The following GPHN variants were observed in gnomAD, a reference collection of about 807,000 sequenced individuals.
The protein encoded by GPHN is gephyrin.
Under a neutral mutation model 95.5 loss-of-function variants are expected in GPHN, and 17 were observed. That is an observed-to-expected ratio of 0.18 (90% CI 0.12 to 0.27). The LOEUF is 0.27. GPHN is among the 10% of genes least tolerant of loss of function. The probability of loss-of-function intolerance (pLI) is 1.00; values close to 1 mark genes in which losing one functional copy is unlikely to be tolerated. For missense variants in GPHN, 660 were observed against 978.1 expected (o/e 0.67, Z 4.34); for synonymous variants, 320 against 322.5 (o/e 0.99, Z 0.08).
intron 11 of GPHN, among the ~76,000 whole-genome samples, chr14:67,080,736 G>T (rs533994943): frequency 6.6e-6 from 1 of 152,198 alleles, no homozygotes; most frequent in South Asian, 2.1e-4. Flanking sequence ...TACCCAATTT[G>T]TATTCTTTTA....
At chr14:67,721,358 A>T in the GPHN span, among the ~76,000 whole-genome samples, 1 of 152,060 alleles carries the variant, frequency 6.6e-6, no homozygotes, top group Non-Finnish European at 1.5e-5. Flanking sequence ...AGCTCAAGTG[A>T]TCCTCCCTAC....
chr14:67,318,650 C>G, the GPHN span, among the ~76,000 whole-genome samples: 3 of 152,172 alleles, frequency 2.0e-5, no homozygotes, highest in Non-Finnish European at 4.4e-5. Flanking sequence ...ATGTCATCAT[C>G]ATGAATATTT....
the GPHN span, among the ~76,000 whole-genome samples, chr14:67,430,519 A>C: frequency 6.6e-6 from 1 of 152,188 alleles, no homozygotes; most frequent in Non-Finnish European, 1.5e-5. Flanking sequence ...CCTCCATCCT[A>C]AGGAAAGAAG....
intron 4 of GPHN, among the ~76,000 whole-genome samples, chr14:66,838,725 T>G (rs2061960208): frequency 6.6e-6 from 1 of 152,172 alleles, no homozygotes; most frequent in Admixed American, 6.6e-5. Flanking sequence ...TACTACTGTC[T>G]GGAATCAGGA....
chr14:67,454,732 A>G, the GPHN span: 2 of 152,238 alleles, frequency 1.3e-5, no homozygotes, highest in Non-Finnish European at 2.9e-5. Flanking sequence ...AAGTTATATA[A>G]TAAGGGGGAA....
chr14:66,896,034 T>G (rs1256823179), intron 5 of GPHN, among the ~76,000 whole-genome samples: 2 of 152,016 alleles, frequency 1.3e-5, no homozygotes, highest in African/African-American at 4.8e-5. Flanking sequence ...AGATGGCCCT[T>G]TCTTGCTGCA....
At chr14:66,685,525 A>G (rs1271700111) in intron 2 of GPHN, among the ~76,000 whole-genome samples, 7 of 152,208 alleles carry the variant, frequency 4.6e-5, no homozygotes, top group Admixed American at 2.0e-4. Context: ...TTTTTCATGT[A>G]TCTATTTGCT....
chr14:67,586,473 C>T, the GPHN span: 42 of 1,218,494 alleles, frequency 3.4e-5, no homozygotes, highest in Non-Finnish European at 4.6e-5. Context: ...GCATGTTACC[C>T]CTGGGTTCTG....
At chr14:66,918,344 T>C (rs1037673477) in intron 6 of GPHN, among the ~76,000 whole-genome samples, 1 of 152,084 alleles carries the variant, frequency 6.6e-6, no homozygotes, top group African/African-American at 2.4e-5. Context: ...ACTCAAACAC[T>C]TACTGCCAGT....
At chr14:67,574,304 G>T in the GPHN span, 1 of 1,607,514 alleles carries the variant, frequency 6.2e-7, no homozygotes, top group Non-Finnish European at 8.5e-7. The surrounding 1 kb of genome is among the most constrained non-coding windows in gnomAD (Gnocchi z 4.2). Context: ...TGGAGGAGTG[G>T]ATCCGAGTAC....
intron 11 of GPHN, among the ~76,000 whole-genome samples, chr14:67,063,843 G>C (rs1008210015): frequency 6.6e-6 from 1 of 152,190 alleles, no homozygotes; most frequent in African/African-American, 2.4e-5. Flanking sequence ...TGAGACGATG[G>C]AGTTTTCTAA....
the GPHN span, among the ~76,000 whole-genome samples, chr14:67,311,061 C>G: frequency 6.6e-6 from 1 of 152,090 alleles, no homozygotes; most frequent in African/African-American, 2.4e-5. Flanking sequence ...TCTGTAATCC[C>G]AGCACTTTGG....
At chr14:67,495,753 G>A in the GPHN span, among the ~76,000 whole-genome samples, 467 of 152,144 alleles carry the variant, frequency 3.1e-3, 1 homozygote, top group Non-Finnish European at 5.4e-3. Context: ...CAAAGTGCTG[G>A]GATTACAGGC....
At chr14:66,629,995 C>A (rs1225715923) in intron 1 of GPHN, among the ~76,000 whole-genome samples, 1 of 152,046 alleles carries the variant, frequency 6.6e-6, no homozygotes, top group African/African-American at 2.4e-5. Flanking sequence ...GTAACATTAG[C>A]ATGTTATTTT....
chr14:67,590,061 G>C, the GPHN span: 1 of 1,545,070 alleles, frequency 6.5e-7, no homozygotes, highest in Admixed American at 2.0e-5. Flanking sequence ...GACAATGCTG[G>C]CCTTCTGAAC....
intron 1 of GPHN, among the ~76,000 whole-genome samples, chr14:66,597,502 C>T (rs932797416): frequency 1.3e-5 from 2 of 152,146 alleles, no homozygotes; most frequent in Non-Finnish European, 2.9e-5. Flanking sequence ...AGTGCCCAGG[C>T]TTGGCCACAA....
chr14:67,070,267 CAT>C (rs1223196623), intron 11 of GPHN, among the ~76,000 whole-genome samples: 2 of 149,610 alleles, frequency 1.3e-5, no homozygotes, highest in Non-Finnish European at 1.5e-5. Context: ...ATTTTTGTGA[CAT>C]ATATGTGTGT....
At chr14:67,512,992 A>G in the GPHN span, among the ~76,000 whole-genome samples, 1 of 152,224 alleles carries the variant, frequency 6.6e-6, no homozygotes, top group African/African-American at 2.4e-5. Context: ...AATCTGATAC[A>G]ACCGAAATAA....
intron 1 of GPHN, among the ~76,000 whole-genome samples, chr14:66,594,581 C>T (rs946486889): frequency 1.3e-5 from 2 of 152,144 alleles, no homozygotes; most frequent in Non-Finnish European, 2.9e-5. Context: ...GCAGTCTCAT[C>T]AATAAATGGT....
Sources: allele counts gnomAD v4.1 joint callset (sites outside exome capture counted in the v4.1 genomes callset), GRCh38; gene constraint gnomAD v4.1.1; non-coding constraint Gnocchi (gnomAD v3.1); transcripts MANE v1.5; gene names NCBI Gene and HGNC (gene_info 2026-07-23, HGNC 2026-07-21).